Variants in TFEC observed in about 807,000 individuals in gnomAD.
TFEC encodes transcription factor EC, also known as class E basic helix-loop-helix protein 34.
TFEC carries 31 observed loss-of-function variants against 41.6 expected under a neutral mutation model. That is an observed-to-expected ratio of 0.74 (90% CI 0.56 to 1.01). The LOEUF is 1.01. Ranked by LOEUF, TFEC falls within the 50% of genes least tolerant of loss-of-function variation. The pLI is 0.00. For missense variants in TFEC, 402 were observed against 404.1 expected (o/e 0.99, Z 0.04); for synonymous variants, 143 against 140.6 (o/e 1.02, Z -0.12).
chr7:116,077,421 A>T (rs1255120419), intron 3 of TFEC, among the ~76,000 whole-genome samples: 1 of 152,158 alleles, frequency 6.6e-6, no homozygotes, highest in Non-Finnish European at 1.5e-5. Context: ...AGTACCTCAC[A>T]TCTCAATGCT....
rs750073287 is a variant in TFEC, at chr7:115,940,643, T to A, written c.952A>T (p.Thr318Ser). Residue 318 changes from threonine to serine, a missense_variant, in exon 8 of 8, where the codon ACA (threonine) becomes TCA (serine). By Grantham distance (58) the Thr-to-Ser change is moderately conservative (BLOSUM62 1). Coordinates refer to ENST00000265440, the MANE Select transcript of TFEC (RefSeq NM_012252.4). Reference protein sequence around the residue: ...LLDDTISPFGTDPLLSATSPA... With the variant: ...LLDDTISPFGSDPLLSATSPA... ...GAAGTGGCAGATAGCAGAGGATCTGTTCCAAATGGAGAGATTGTGTCATCC... is the reference window on the plus strand; with the variant it reads ...GAAGTGGCAGATAGCAGAGGATCTGATCCAAATGGAGAGATTGTGTCATCC... 5.0e-6 allele frequency: 8 copies of A among 1,613,500 alleles called. No individual in the cohort carries two copies. The highest frequency in any genetic ancestry group is 5.9e-6 in the Non-Finnish European group (7 of 1,179,672).
chr7:115,942,103 C>T (rs879583938), intron 6 of TFEC, 63 bp from the exon 7 acceptor site: 2 of 1,476,784 alleles, frequency 1.4e-6, no homozygotes, highest in Non-Finnish European at 9.1e-7. Context: ...TAAGAACTTA[C>T]AAAATCTTTT....
chr7:115,952,985 A>G (rs1792027174), intron 5 of TFEC, among the ~76,000 whole-genome samples: 2 of 152,004 alleles, frequency 1.3e-5, no homozygotes, highest in South Asian at 4.1e-4. Context: ...GCCTGTGCAG[A>G]CCACCTCCCT....
At chr7:115,993,150 T>A (rs1794202299) in intron 1 of TFEC, among the ~76,000 whole-genome samples, 2 of 152,174 alleles carry the variant, frequency 1.3e-5, no homozygotes, top group African/African-American at 4.8e-5. Context: ...TTCACAAAAT[T>A]CAATAGCCCT....
upstream of TFEC, among the ~76,000 whole-genome samples, chr7:116,033,862 T>C (rs1457502393): frequency 6.6e-6 from 1 of 152,138 alleles, no homozygotes; most frequent in Non-Finnish European, 1.5e-5. Flanking sequence ...TGTGCCCTTT[T>C]TGAAAAACTC....
At chr7:115,967,825 G>C (rs1327739273) in intron 3 of TFEC, among the ~76,000 whole-genome samples, 1 of 151,690 alleles carries the variant, frequency 6.6e-6, no homozygotes, top group Non-Finnish European at 1.5e-5. Flanking sequence ...AAATACTTTT[G>C]CATCATGCAT....
intron 1 of TFEC, among the ~76,000 whole-genome samples, chr7:116,141,178 G>A (rs1330060308): frequency 6.6e-6 from 1 of 152,024 alleles, no homozygotes; most frequent in African/African-American, 2.4e-5. Context: ...CAGTAAGGCA[G>A]GATATAGCCA....
intron 1 of TFEC, among the ~76,000 whole-genome samples, chr7:116,113,059 T>C (rs1027448422): frequency 1.3e-5 from 2 of 151,928 alleles, no homozygotes; most frequent in East Asian, 1.9e-4. Context: ...CAAGAGAGTA[T>C]TGCATGAAGA....
At chr7:115,974,766 G>C (rs1203123698) in intron 2 of TFEC, among the ~76,000 whole-genome samples, 6 of 151,694 alleles carry the variant, frequency 4.0e-5, no homozygotes, top group Admixed American at 3.9e-4. Flanking sequence ...CATTCCTGTA[G>C]ATATAGAAGA....
intron 3 of TFEC, among the ~76,000 whole-genome samples, chr7:116,045,115 TCAG>T (rs958088169): frequency 4.6e-5 from 7 of 152,290 alleles, no homozygotes; most frequent in Non-Finnish European, 1.0e-4. Flanking sequence ...TTTAGAGGGC[TCAG>T]AAGAAGACAG....
chr7:116,109,019 T>C (rs959563661), intron 3 of TFEC, among the ~76,000 whole-genome samples: 8 of 151,906 alleles, frequency 5.3e-5, no homozygotes, highest in Non-Finnish European at 1.0e-4. Context: ...TGGCTAGCCA[T>C]ATGGAGAAAG....
intron 1 of TFEC, among the ~76,000 whole-genome samples, chr7:116,143,627 C>T (rs985235373): frequency 6.6e-6 from 1 of 152,102 alleles, no homozygotes; most frequent in African/African-American, 2.4e-5. Context: ...GCACATCACC[C>T]CTTGCTGTGT....
intron 4 of TFEC, among the ~76,000 whole-genome samples, chr7:115,955,863 T>C (rs1792197554): frequency 6.6e-6 from 1 of 152,056 alleles, no homozygotes; most frequent in African/African-American, 2.4e-5. Flanking sequence ...ATAGACATTT[T>C]TGAATTATTG....
intron 1 of TFEC, among the ~76,000 whole-genome samples, chr7:116,123,367 T>A (rs961369088): frequency 6.6e-6 from 1 of 152,162 alleles, no homozygotes; most frequent in African/African-American, 2.4e-5. Context: ...TTCTAGTTTG[T>A]CTTGAAAGCA....
chr7:116,032,607 C>G (rs1472963665), upstream of TFEC, among the ~76,000 whole-genome samples: 1 of 152,082 alleles, frequency 6.6e-6, no homozygotes, highest in African/African-American at 2.4e-5. Context: ...TGCATCTTCT[C>G]TCTTATAAGT....
At chr7:116,060,840 C>T (rs1796538204) in intron 3 of TFEC, among the ~76,000 whole-genome samples, 2 of 151,356 alleles carry the variant, frequency 1.3e-5, no homozygotes, top group African/African-American at 4.9e-5. Flanking sequence ...CAAACCTTCA[C>T]ATATACCCAC....
At chr7:116,137,964 G>C (rs17138348) in intron 1 of TFEC, among the ~76,000 whole-genome samples, 27,246 of 151,850 alleles carry the variant, frequency 0.18, 2,477 homozygotes, top group East Asian at 0.25. Flanking sequence ...AAGAATTCTA[G>C]ATTTCCAAAC....
At chr7:116,032,455 G>A (rs1174698966), upstream of TFEC, among the ~76,000 whole-genome samples, 1 of 152,026 alleles carries the variant, frequency 6.6e-6, no homozygotes, top group Non-Finnish European at 1.5e-5. Context: ...TGGTAGACTG[G>A]ATAAAGAAAA....
At chr7:116,003,694 CA>C (rs1399686035) in intron 1 of TFEC, among the ~76,000 whole-genome samples, 1 of 152,094 alleles carries the variant, frequency 6.6e-6, no homozygotes, top group East Asian at 1.9e-4. Context: ...ACATTTTTCT[CA>C]AGCTCTCATG....
Sources: allele counts gnomAD v4.1 joint callset (sites outside exome capture counted in the v4.1 genomes callset), GRCh38; gene constraint gnomAD v4.1.1; transcripts MANE v1.5; gene names NCBI Gene and HGNC (gene_info 2026-07-23, HGNC 2026-07-21).